The following SOS2 variants were observed in gnomAD, a reference collection of about 807,000 sequenced individuals.
The protein encoded by SOS2 is son of sevenless homolog 2.
Under a neutral mutation model 148.2 loss-of-function variants are expected in SOS2, and 65 were observed. That is an observed-to-expected ratio of 0.44 (90% CI 0.36 to 0.54). The LOEUF (loss-of-function observed/expected upper bound fraction) is 0.54. Ranked by LOEUF, SOS2 falls within the 20% of genes least tolerant of loss-of-function variation. SOS2 has a pLI of 0.00. For missense variants in SOS2, 1,341 were observed against 1,590.2 expected (o/e 0.84, Z 2.67); for synonymous variants, 539 against 537.1 (o/e 1.00, Z -0.05).
At chr14:50,209,689 T>C (rs1886802014) in intron 1 of SOS2, among the ~76,000 whole-genome samples, 1 of 151,090 alleles carries the variant, frequency 6.6e-6, no homozygotes, top group Admixed American at 6.6e-5. Flanking sequence ...AACCCGGAGG[T>C]CGAGGCTGCA....
At chr14:50,207,971 T>C (rs920571505) in intron 1 of SOS2, among the ~76,000 whole-genome samples, 6 of 151,850 alleles carry the variant, frequency 4.0e-5, no homozygotes, top group African/African-American at 1.2e-4. Flanking sequence ...AAAAAGCCAT[T>C]TGAAAAATAT....
chr14:50,192,376 G>A (rs1249536626), intron 4 of SOS2, among the ~76,000 whole-genome samples: 17 of 150,140 alleles, frequency 1.1e-4, no homozygotes, highest in South Asian at 2.1e-4. Flanking sequence ...CCAACATGGC[G>A]AAACCCTGTC....
At chr14:50,181,793 T>C (rs1885749365) in intron 6 of SOS2, among the ~76,000 whole-genome samples, 1 of 152,092 alleles carries the variant, frequency 6.6e-6, no homozygotes. Flanking sequence ...TTTCATCTAA[T>C]TTATATATCT....
intron 19 of SOS2, among the ~76,000 whole-genome samples, chr14:50,131,276 A>G (rs554658711): frequency 6.6e-6 from 1 of 152,288 alleles, no homozygotes; most frequent in East Asian, 1.9e-4. Flanking sequence ...TTCTGGCAGG[A>G]GTAATCAAAT....
chr14:50,158,363 T>G (rs1219072861), intron 11 of SOS2, among the ~76,000 whole-genome samples: 1 of 152,192 alleles, frequency 6.6e-6, no homozygotes, highest in Non-Finnish European at 1.5e-5. Flanking sequence ...CTTGAAATAT[T>G]TCTAAGAGCT....
At chr14:50,128,846 C>G (rs1883770826) in intron 21 of SOS2, among the ~76,000 whole-genome samples, 1 of 152,014 alleles carries the variant, frequency 6.6e-6, no homozygotes, top group South Asian at 2.1e-4. Context: ...CTATGTTGCC[C>G]TGACCTCAAG....
At chr14:50,201,392 A>C (rs1886481699) in intron 2 of SOS2, among the ~76,000 whole-genome samples, 1 of 151,966 alleles carries the variant, frequency 6.6e-6, no homozygotes, top group Admixed American at 6.6e-5. Context: ...TTAGCCCGGC[A>C]TGGTGGTGGT....
rs1272374280 is a variant in SOS2 at position 50,145,515 on chromosome 14, C to T, written c.2466G>A (p.Met822Ile). ...KEINSPNLLK[M>I]IRHTTNLTLW... ...GGGTGAGATTTGTGGTATGGCGAAT[C>T]ATTTTTAATAAATTTGGAGAATTTA... Residue 822 changes from methionine (M) to isoleucine (I), a missense_variant, in exon 15 of 23, where the codon ATG becomes ATA. Physicochemically the swap from Met to Ile is conservative, Grantham distance 10. Transcript: ENST00000216373. The T allele has an allele frequency of 1.2e-6, 2 of 1,608,310 alleles. No individual in the cohort carries two copies. Among genetic ancestry groups the T allele is most frequent in the Non-Finnish European group, 8.5e-7 (1 of 1,175,956 alleles).
chr14:50,149,219 A>G (rs2139592092), intron 14 of SOS2, among the ~76,000 whole-genome samples: 1 of 152,278 alleles, frequency 6.6e-6, no homozygotes, highest in East Asian at 1.9e-4. Flanking sequence ...TTTTAAATTG[A>G]GGCTTCTATA....
intron 21 of SOS2, among the ~76,000 whole-genome samples, chr14:50,126,314 C>G (rs973964031): frequency 1.3e-5 from 2 of 151,960 alleles, no homozygotes; most frequent in Admixed American, 6.6e-5. Context: ...TTTATCTATC[C>G]AGAGATATAC....
intron 16 of SOS2, among the ~76,000 whole-genome samples, chr14:50,144,685 G>C (rs993429313): frequency 6.6e-6 from 1 of 152,116 alleles, no homozygotes; most frequent in Admixed American, 6.5e-5. Context: ...TGATCGACCC[G>C]CCTCAGCCTC....
chr14:50,147,207 C>CA (rs1884513768), intron 14 of SOS2, among the ~76,000 whole-genome samples: 2 of 149,184 alleles, frequency 1.3e-5, no homozygotes, highest in Non-Finnish European at 3.0e-5. Context: ...AACAAACAAA[C>CA]AACAACAACA....
intron 1 of SOS2, among the ~76,000 whole-genome samples, chr14:50,229,752 C>T (rs902146950): frequency 6.6e-6 from 1 of 152,194 alleles, no homozygotes; most frequent in African/African-American, 2.4e-5. Flanking sequence ...CTATTTGCTA[C>T]CAGAAAGTTA....
intron 1 of SOS2, among the ~76,000 whole-genome samples, chr14:50,222,931 A>C (rs1461450179): frequency 6.6e-6 from 1 of 152,240 alleles, no homozygotes. Flanking sequence ...GCAGATGATC[A>C]GAGACCAGTT....
rs34451226 is a variant in SOS2, at chr14:50,205,909, CA to C, written c.88-1501del. 9.8e-4 allele frequency among the ~76,000 whole-genome samples: 133 copies of C among 135,512 alleles called. 1 individual carries two copies. The highest frequency in any genetic ancestry group is 2.6e-3 in the East Asian group (12 of 4,636). The allele number at this position is 135,512 out of a possible 152,430, so 88.9% of individuals were successfully genotyped here. A position where few individuals can be genotyped will look rare whatever the true frequency, so the allele number is the denominator to read the frequency against. ...CACTCCAGCCTGGGCAACTCCATCT[CA>C]AAAAAAAAAAAAAATAGCATAAAAT... On this transcript the variant is annotated intron_variant, in intron 1 of 22. Coordinates refer to ENST00000216373, the MANE Select transcript of SOS2 (RefSeq NM_006939.4).
chr14:50,144,165 C>T (rs1166521694), intron 16 of SOS2, among the ~76,000 whole-genome samples: 2 of 151,798 alleles, frequency 1.3e-5, no homozygotes, highest in Non-Finnish European at 2.9e-5. Flanking sequence ...AGAAAAAAAT[C>T]AGAAATAACT....
intron 4 of SOS2, among the ~76,000 whole-genome samples, chr14:50,193,410 T>C (rs1413973010): frequency 6.6e-6 from 1 of 152,128 alleles, no homozygotes; most frequent in Admixed American, 6.6e-5. Context: ...TTAAATACTA[T>C]TTTCATTAGT....
At chr14:50,119,447 TGAA>T (rs1260260537) in intron 22 of SOS2, among the ~76,000 whole-genome samples, 4 of 152,258 alleles carry the variant, frequency 2.6e-5, no homozygotes. Flanking sequence ...GTTGAAAGTT[TGAA>T]GAATACTTGG....
intron 1 of SOS2, among the ~76,000 whole-genome samples, chr14:50,205,317 G>A (rs573889743): frequency 6.6e-6 from 1 of 152,094 alleles, no homozygotes; most frequent in Non-Finnish European, 1.5e-5. Context: ...TTCCCAAAGT[G>A]CTGAGATTAT....
Sources: gnomAD v4.1 joint callset for allele counts (sites outside exome capture counted in the v4.1 genomes callset) on GRCh38, gnomAD v4.1.1 for gene constraint, MANE v1.5 for transcripts, NCBI Gene and HGNC (gene_info 2026-07-23, HGNC 2026-07-21) for gene names.